Variants in PTPRN2 observed in about 807,000 individuals in gnomAD.
PTPRN2 encodes receptor-type tyrosine-protein phosphatase N2.
PTPRN2 carries 74 observed loss-of-function variants against 118.8 expected under a neutral mutation model. That is an observed-to-expected ratio of 0.62 (90% CI 0.52 to 0.76). PTPRN2 has a LOEUF of 0.76. Ranked by LOEUF, PTPRN2 falls within the 30% of genes least tolerant of loss-of-function variation. The probability of loss-of-function intolerance (pLI) is 0.00; values close to 1 mark genes in which losing one functional copy is unlikely to be tolerated. For missense variants in PTPRN2, 1,481 were observed against 1,394.4 expected, an observed-to-expected ratio of 1.06 and a Z score of -0.99; for synonymous variants, 641 against 608.0, an observed-to-expected ratio of 1.05 and a Z score of -0.80.
At chr7:157,800,382 C>T (rs558086922) in intron 12 of PTPRN2, among the ~76,000 whole-genome samples, 19 of 152,294 alleles carry the variant, frequency 1.2e-4, no homozygotes, top group Admixed American at 9.8e-4. Flanking sequence ...GTCCCTTCTC[C>T]GCGACAAGGG....
At chr7:158,373,357 CAACT>C in intron 2 of PTPRN2, among the ~76,000 whole-genome samples, 1 of 150,170 alleles carries the variant, frequency 6.7e-6, no homozygotes, top group Non-Finnish European at 1.5e-5. Flanking sequence ...ACTTCTATTC[CAACT>C]GAGTGTGAGT....
At chr7:157,573,645 TAG>T (rs2150518816) in intron 19 of PTPRN2, among the ~76,000 whole-genome samples, 1 of 152,360 alleles carries the variant, frequency 6.6e-6, no homozygotes, top group Non-Finnish European at 1.5e-5. Context: ...GGCTCATGGA[TAG>T]CTGGTCAGCT....
chr7:157,549,748 C>A (rs1273515337), intron 21 of PTPRN2, among the ~76,000 whole-genome samples: 1 of 152,224 alleles, frequency 6.6e-6, no homozygotes, highest in Non-Finnish European at 1.5e-5. Context: ...AGGGTCCCGA[C>A]CTCTCCAGCG....
chr7:157,776,432 TCTCTCCTCTTCCTCA>T (rs1294874713), intron 12 of PTPRN2, among the ~76,000 whole-genome samples: 5 of 37,340 alleles, frequency 1.3e-4, no homozygotes, highest in Non-Finnish European at 2.1e-4. Context: ...CCCTCCTCTG[TCTCTCCTCTTCCTCA>T]CTCTCCTCCT....
chr7:158,503,780 C>A (rs914270231), intron 1 of PTPRN2, among the ~76,000 whole-genome samples: 7 of 152,144 alleles, frequency 4.6e-5, no homozygotes, highest in Non-Finnish European at 1.0e-4. Flanking sequence ...GCAGGCAGAT[C>A]ATTTGAGGGC....
chr7:158,418,895 GTAC>G (rs1397425978), intron 2 of PTPRN2, among the ~76,000 whole-genome samples: 4 of 152,384 alleles, frequency 2.6e-5, no homozygotes, highest in East Asian at 1.9e-4. Context: ...TTGTCACAGT[GTAC>G]TACATCATTG....
At chr7:158,472,372 A>T (rs553352556) in intron 2 of PTPRN2, among the ~76,000 whole-genome samples, 2 of 152,334 alleles carry the variant, frequency 1.3e-5, no homozygotes, top group African/African-American at 2.4e-5. Context: ...CAAGTTTGTC[A>T]TCTGTTAAAT....
intron 9 of PTPRN2, among the ~76,000 whole-genome samples, chr7:158,129,610 A>T (rs1818009350): frequency 6.6e-6 from 1 of 151,926 alleles, no homozygotes; most frequent in African/African-American, 2.4e-5. Context: ...CACACACATC[A>T]CATAACACCC....
Position 157,923,962 on chromosome 7 carries a change from G to C in PTPRN2, c.1724-25225C>G, listed in dbSNP as rs147776619. Among the ~76,000 whole-genome samples the C allele has an allele frequency of 6.7e-3, 1,015 of 152,298 alleles. 12 individuals carry two copies. The highest frequency in any genetic ancestry group is 0.023 in the African/African-American group (976 of 41,572). On this transcript the variant is annotated intron_variant, in intron 11 of 22. Transcript: ENST00000389418. ...GGAGGCTGGCTTTGGTGTGCTGTTTGGGTTGGACCGTATCTCAGCACTGTG... is the reference window on the plus strand; with the variant it reads ...GGAGGCTGGCTTTGGTGTGCTGTTTCGGTTGGACCGTATCTCAGCACTGTG...
In PTPRN2 at chr7:157,977,718, C is replaced by T. The variant is rs1044491201; in HGVS notation, c.1724-78981G>A. ...TACCTGTGAGCAGGGGAGGTGGGGG[C>T]GGGAGGAAGTGAGAGGTAGGATCTG... On this transcript the variant is annotated intron_variant, in intron 11 of 22. Coordinates refer to ENST00000389418, the MANE Select transcript of PTPRN2 (RefSeq NM_002847.5). The surrounding 1 kb of genome is among the most constrained non-coding windows in gnomAD (Gnocchi z 4.6). Among the ~76,000 whole-genome samples, 7 of 147,664 alleles carry T rather than the reference C, an allele frequency of 4.7e-5. No homozygotes were observed. In the East Asian group the frequency reaches 6.0e-4, roughly 13 times the overall value.
intron 4 of PTPRN2, among the ~76,000 whole-genome samples, chr7:158,193,860 G>T (rs1040729749): frequency 6.7e-6 from 1 of 149,644 alleles, no homozygotes; most frequent in Non-Finnish European, 1.5e-5. Context: ...GAACACCTGC[G>T]TGAGTGACTG....
rs533424119 is a variant in PTPRN2 at position 157,655,105 on chromosome 7, G to A, written c.2196+1252C>T. On this transcript the variant is annotated intron_variant, in intron 14 of 22. Coordinates refer to ENST00000389418, the MANE Select transcript of PTPRN2 (RefSeq NM_002847.5). ...GTCTGCTCCCGGGTGTGAACACCTC[G>A]GGTTTGATTTCTGGCGGGTGGTCCG... Among the ~76,000 whole-genome samples, 5 of 152,366 alleles carry A rather than the reference G, an allele frequency of 3.3e-5. No homozygotes were observed. The South Asian group carries it at 6.2e-4, about 19-fold the overall frequency.
chr7:157,934,027 C>T (rs1023212870), intron 11 of PTPRN2, among the ~76,000 whole-genome samples: 1 of 152,142 alleles, frequency 6.6e-6, no homozygotes, highest in Non-Finnish European at 1.5e-5. Context: ...GCTGGTATAC[C>T]GTGGCTGCCT....
At chr7:158,573,043 A>G (rs1828131139) in intron 1 of PTPRN2, among the ~76,000 whole-genome samples, 1 of 152,234 alleles carries the variant, frequency 6.6e-6, no homozygotes, top group Non-Finnish European at 1.5e-5. Flanking sequence ...TCTAAATTTA[A>G]AAGAGTAATT....
intron 2 of PTPRN2, among the ~76,000 whole-genome samples, chr7:158,383,563 C>T (rs931350755): frequency 1.3e-5 from 2 of 151,878 alleles, no homozygotes; most frequent in East Asian, 3.9e-4. Flanking sequence ...CTCCGGGATC[C>T]CAAAAAATGA....
rs549698545 is a variant in PTPRN2, at chr7:158,173,145, A to C, written c.550-5854T>G. On this transcript the variant is annotated intron_variant, in intron 5 of 22. Transcript: ENST00000389418. ...GCGTCCCCACCATCATCATCACCCC[A>C]TCATCAACAGCAGCATCCACACCAT... Among the ~76,000 whole-genome samples the C allele has an allele frequency of 3.5e-4, 53 of 149,632 alleles. 1 individual carries two copies. The highest frequency in any genetic ancestry group is 1.1e-3 in the African/African-American group (45 of 40,554).
At chr7:158,181,701 C>G (rs1824722312) in intron 5 of PTPRN2, among the ~76,000 whole-genome samples, 1 of 152,034 alleles carries the variant, frequency 6.6e-6, no homozygotes, top group Admixed American at 6.6e-5. Flanking sequence ...TTCGTGTATT[C>G]ATTTCTTCTA....
At chr7:158,572,662 CA>C (rs1828110232) in intron 1 of PTPRN2, among the ~76,000 whole-genome samples, 1 of 152,228 alleles carries the variant, frequency 6.6e-6, no homozygotes, top group Non-Finnish European at 1.5e-5. Flanking sequence ...TCTGACTCAT[CA>C]CTGTGATCCT....
chr7:158,146,376 C>G (rs892652158), intron 6 of PTPRN2, among the ~76,000 whole-genome samples: 1 of 152,128 alleles, frequency 6.6e-6, no homozygotes, highest in Non-Finnish European at 1.5e-5. Flanking sequence ...TTGATTGCAC[C>G]AACCTGTATT....
Sources: allele counts gnomAD v4.1 joint callset (sites outside exome capture counted in the v4.1 genomes callset), GRCh38; gene constraint gnomAD v4.1.1; non-coding constraint Gnocchi (gnomAD v3.1); transcripts MANE v1.5; gene names NCBI Gene and HGNC (gene_info 2026-07-23, HGNC 2026-07-21).